Variants in DMD observed in about 807,000 individuals in gnomAD.
The protein encoded by DMD is dystrophin.
A neutral mutation model predicts 330.1 loss-of-function variants in DMD; 63 were observed. The ratio of observed to expected loss-of-function variants is 0.19; its 90% CI spans 0.16 to 0.24. The LOEUF is 0.24. DMD is among the 10% of genes least tolerant of loss of function. The probability of loss-of-function intolerance (pLI) is 1.00; values close to 1 mark genes in which losing one functional copy is unlikely to be tolerated. For synonymous variants in DMD, 1,223 were observed against 959.8 expected (o/e 1.27, Z -5.07); for missense variants, 3,344 against 2,684.1 (o/e 1.25, Z -5.43).
intron 13 of DMD, among the ~76,000 whole-genome samples, chrX:32,587,457 G>C (rs1192727708): frequency 8.9e-6 from 1 of 112,131 alleles, no homozygotes; most frequent in Non-Finnish European, 1.9e-5. Flanking sequence ...GCAGAATGTA[G>C]TATTTGACTT....
intron 63 of DMD, among the ~76,000 whole-genome samples, chrX:31,249,421 T>C (rs1230525046): frequency 1.8e-5 from 2 of 111,013 alleles, no homozygotes; most frequent in African/African-American, 6.6e-5. Context: ...TAAATTTTTA[T>C]TTTAGTAGAG....
chrX:33,057,191 A>C (rs1218883980), intron 1 of DMD, among the ~76,000 whole-genome samples: 1 of 111,779 alleles, frequency 8.9e-6, no homozygotes, highest in African/African-American at 3.3e-5. Context: ...GAGCTTCTAC[A>C]ATAGCAAAAT....
At chrX:32,358,768 A>AT (rs2097818195) in intron 37 of DMD, among the ~76,000 whole-genome samples, 1 of 110,691 alleles carries the variant, frequency 9.0e-6, no homozygotes, top group African/African-American at 3.3e-5. Context: ...CAATTCTTTC[A>AT]TTTTTTTCCA....
chrX:31,556,778 G>T (rs6631339), intron 55 of DMD, among the ~76,000 whole-genome samples: 6,458 of 111,842 alleles, frequency 0.058, 273 homozygotes, highest in East Asian at 0.17. Context: ...GTCATTGAAA[G>T]ACCTAATTGG....
chrX:31,574,462 T>C (rs1272218237), intron 55 of DMD, among the ~76,000 whole-genome samples: 1 of 111,308 alleles, frequency 9.0e-6, no homozygotes, highest in East Asian at 2.8e-4. Context: ...TATCTTTAAG[T>C]TAAACATAGA....
chrX:33,189,119 A>G (rs1288603401), intron 1 of DMD, among the ~76,000 whole-genome samples: 2 of 111,489 alleles, frequency 1.8e-5, no homozygotes, highest in Admixed American at 9.6e-5. Flanking sequence ...TCCCCTTTGT[A>G]TATATATATA....
intron 1 of DMD, among the ~76,000 whole-genome samples, chrX:33,285,110 G>A (rs1255146413): frequency 1.8e-5 from 2 of 111,310 alleles, no homozygotes; most frequent in African/African-American, 6.5e-5. Context: ...TTGTAATTGG[G>A]CTGATGTAAT....
At chrX:31,382,859 G>A (rs186586784) in intron 60 of DMD, among the ~76,000 whole-genome samples, 17 of 110,476 alleles carry the variant, frequency 1.5e-4, no homozygotes, top group Non-Finnish European at 3.2e-4. Context: ...AATTTTCGCC[G>A]CCCCAACACT....
chrX:33,096,499 G>A (rs1381387823), intron 1 of DMD, among the ~76,000 whole-genome samples: 2 of 106,005 alleles, frequency 1.9e-5, no homozygotes, highest in Non-Finnish European at 3.9e-5. Context: ...TTTTGGAGAC[G>A]ACTTTTTTTT....
At chrX:32,760,485 C>T (rs2072131706) in intron 7 of DMD, among the ~76,000 whole-genome samples, 1 of 111,374 alleles carries the variant, frequency 9.0e-6, no homozygotes, top group South Asian at 3.8e-4. Flanking sequence ...TGGAAAGGTC[C>T]AGAATTTAAA....
upstream of DMD, among the ~76,000 whole-genome samples, chrX:33,214,453 T>A (rs1043149094): frequency 1.8e-5 from 2 of 111,676 alleles, no homozygotes; most frequent in Non-Finnish European, 3.8e-5. Context: ...TTCATTAACA[T>A]AGTACATATG....
At chrX:32,989,527 A>C in intron 2 of DMD, among the ~76,000 whole-genome samples, 1 of 112,092 alleles carries the variant, frequency 8.9e-6, no homozygotes. Flanking sequence ...TTCCAATCTA[A>C]GATATTTGAC....
intron 74 of DMD, among the ~76,000 whole-genome samples, chrX:31,164,171 C>T (rs139956926): frequency 0.021 from 2,363 of 112,115 alleles, 57 homozygotes; most frequent in South Asian, 0.12. Context: ...TGTTCTCCTT[C>T]TGCTACATGC....
intron 7 of DMD, among the ~76,000 whole-genome samples, chrX:32,756,733 G>A (rs185018131): frequency 5.4e-5 from 6 of 111,863 alleles, no homozygotes; most frequent in Admixed American, 9.5e-5. Context: ...AGCACTCCAA[G>A]CTACTTATTA....
chrX:32,376,739 A>C (rs1352237307), intron 34 of DMD, among the ~76,000 whole-genome samples: 1 of 109,541 alleles, frequency 9.1e-6, no homozygotes, highest in Non-Finnish European at 1.9e-5. Flanking sequence ...ATAAAAACTT[A>C]AGTGTTAGAT....
intron 48 of DMD, among the ~76,000 whole-genome samples, chrX:31,861,247 C>G (rs1170132741): frequency 9.0e-6 from 1 of 111,001 alleles, no homozygotes; most frequent in Non-Finnish European, 1.9e-5. Flanking sequence ...ATTAAAATGA[C>G]AGATATCACC....
chrX:31,311,323 T>C (rs987522631), intron 62 of DMD, among the ~76,000 whole-genome samples: 1 of 111,872 alleles, frequency 8.9e-6, no homozygotes, highest in African/African-American at 3.3e-5. Flanking sequence ...GAGCACTTCT[T>C]GTCCATCTAA....
At chrX:31,615,000 C>G (rs1435817901) in intron 55 of DMD, among the ~76,000 whole-genome samples, 2 of 111,635 alleles carry the variant, frequency 1.8e-5, no homozygotes, top group Non-Finnish European at 3.8e-5. Flanking sequence ...TTTTTATCCC[C>G]TCAATTTACA....
chrX:32,656,092 T>C (rs2060549225), intron 9 of DMD, among the ~76,000 whole-genome samples: 1 of 112,089 alleles, frequency 8.9e-6, no homozygotes, highest in Admixed American at 9.5e-5. Flanking sequence ...AGGGGACAAT[T>C]TGGCTATCTA....
Sources: allele counts gnomAD v4.1 joint callset (sites outside exome capture counted in the v4.1 genomes callset), GRCh38; gene constraint gnomAD v4.1.1; transcripts MANE v1.5; gene names NCBI Gene and HGNC (gene_info 2026-07-23, HGNC 2026-07-21).